Variants in SDE2 observed in about 807,000 individuals in gnomAD.
The protein encoded by SDE2 is splicing regulator SDE2.
A neutral mutation model predicts 46.9 loss-of-function variants in SDE2; 31 were observed. That is an observed-to-expected ratio of 0.66 (90% confidence interval 0.50 to 0.89). SDE2 has a LOEUF of 0.89. Among genes scored for constraint, SDE2 ranks in the 40% least tolerant of loss-of-function variants. SDE2 has a pLI of 0.00. For missense variants in SDE2, 542 were observed against 564.4 expected (o/e 0.96, Z 0.40); for synonymous variants, 205 against 204.3 (o/e 1.00, Z -0.03).
rs1354713444 is a variant in SDE2 at position 225,991,174 on chromosome 1, G to C, written c.641+69C>G. On this transcript the variant is annotated intron_variant, in intron 5 of 6. Transcript: ENST00000272091. Reference sequence around the variant, plus strand: ...ACTACACAAAAATGTGTTTATGCCAGATAAACAAGGAGGAAATGTCTCAAG... The same window carrying C: ...ACTACACAAAAATGTGTTTATGCCACATAAACAAGGAGGAAATGTCTCAAG... 3 of 1,505,412 alleles carry C rather than the reference G, an allele frequency of 2.0e-6. No individual in the cohort carries two copies. The Admixed American group carries it at 5.2e-5, about 26-fold the overall frequency. 93.3% of individuals were successfully genotyped at this position (1,505,412 alleles called of 1,614,324 possible).
chr1:225,991,701 A>C (rs1656404650), intron 4 of SDE2, among the ~76,000 whole-genome samples: 1 of 152,176 alleles, frequency 6.6e-6, no homozygotes, highest in South Asian at 2.1e-4. Context: ...TTTGATGCAA[A>C]AAGATTGTTT....
At chr1:225,986,567 T>C (rs550449183) in intron 6 of SDE2, among the ~76,000 whole-genome samples, 1 of 152,364 alleles carries the variant, frequency 6.6e-6, no homozygotes, top group East Asian at 1.9e-4. Context: ...AATTCTAAAA[T>C]GCCACTTATG....
At chr1:225,990,592 G>A (rs1340998381) in intron 5 of SDE2, among the ~76,000 whole-genome samples, 3 of 151,804 alleles carry the variant, frequency 2.0e-5, no homozygotes, top group African/African-American at 7.3e-5. Context: ...CAAACCACAG[G>A]TAGTGTCACC....
chr1:225,992,059 A>G (rs1187027259), intron 4 of SDE2, among the ~76,000 whole-genome samples: 1 of 152,088 alleles, frequency 6.6e-6, no homozygotes, highest in Non-Finnish European at 1.5e-5. Context: ...TGTGCCTGTA[A>G]TCCCAGCTAC....
chr1:225,995,454 A>T, intron 1 of SDE2, 71 bp from the exon 2 acceptor site: 2 of 794,652 alleles, frequency 2.5e-6, no homozygotes. Flanking sequence ...GAAGGGACCT[A>T]GCTGTCTTTT....
In SDE2 at chr1:225,985,530, G is replaced by T. The variant is rs755958890; in HGVS notation, c.1135-7C>A. 9.6e-6 allele frequency: 15 copies of T among 1,559,058 alleles called. No individual in the cohort carries two copies. The Admixed American group carries it at 2.4e-4, about 25-fold the overall frequency. On this transcript the variant is annotated splice_polypyrimidine_tract_variant and splice_region_variant and intron_variant, in intron 6 of 6. Transcript: ENST00000272091. Reference sequence around the variant, plus strand: ...TAGTTTCCTTATCAATAACCTGAGGGAAAAAAATAAGAAAATATTTAAAAC... The same window carrying T: ...TAGTTTCCTTATCAATAACCTGAGGTAAAAAAATAAGAAAATATTTAAAAC...
chr1:225,985,465 A>C lies in SDE2; in HGVS notation c.1193T>G (p.Leu398Trp). ...ACATTTGAGCTTCTCCAAACCCAGC[A>C]ACTCCAGTTCTGCAACAGAGGTGAA... Reference protein sequence around the residue: ...LAFTSVAELELLGLEKLKCEL... With the variant: ...LAFTSVAELEWLGLEKLKCEL... The change falls in exon 7 of 7, where the codon TTG becomes TGG. Residue 398 changes from leucine (L) to tryptophan (W), a missense_variant. Physicochemically the swap from Leu to Trp is moderately conservative, Grantham distance 61. Coordinates refer to ENST00000272091, the MANE Select transcript of SDE2 (RefSeq NM_152608.4). 6.2e-7 allele frequency: 1 copy of C among 1,614,192 alleles called. No homozygotes were observed. Among genetic ancestry groups the C allele is most frequent in the South Asian group, 1.1e-5 (1 of 91,090 alleles).
In SDE2 at chr1:225,995,616, CTT is replaced by C. The variant is rs1656504562; in HGVS notation, c.121-235_121-234del. Among the ~76,000 whole-genome samples, 2 of 152,166 alleles carry C rather than the reference CTT, an allele frequency of 1.3e-5. 1 individual carries two copies. Among genetic ancestry groups the C allele is most frequent in the Admixed American group, 1.3e-4 (2 of 15,266 alleles). On this transcript the variant is annotated intron_variant, in intron 1 of 6. Transcript: ENST00000272091. ...CATCACATATAGAAGAAACTTCAGTCTTTGCGGTGACAACAAAAACTGCTTCT... is the reference window on the plus strand; with the variant it reads ...CATCACATATAGAAGAAACTTCAGTCTGCGGTGACAACAAAAACTGCTTCT...
chr1:225,987,141 A>C (rs1656286650), intron 6 of SDE2, among the ~76,000 whole-genome samples: 1 of 152,234 alleles, frequency 6.6e-6, no homozygotes, highest in Admixed American at 6.5e-5. Flanking sequence ...CTCCCAGGGC[A>C]CAAGCCATTC....
intron 1 of SDE2, among the ~76,000 whole-genome samples, chr1:225,997,169 A>C (rs1270933353): frequency 6.6e-6 from 1 of 152,188 alleles, no homozygotes; most frequent in Non-Finnish European, 1.5e-5. Context: ...AAACAAAAAC[A>C]AAAAACAAAA....
intron 1 of SDE2, among the ~76,000 whole-genome samples, chr1:225,998,545 T>C (rs922558112): frequency 1.3e-5 from 2 of 152,232 alleles, no homozygotes; most frequent in Non-Finnish European, 2.9e-5. Flanking sequence ...GCTTACTTAC[T>C]TGAAAGTTCA....
At chr1:225,986,127 G>A (rs1017078263) in intron 6 of SDE2, among the ~76,000 whole-genome samples, 5 of 151,940 alleles carry the variant, frequency 3.3e-5, no homozygotes, top group African/African-American at 9.7e-5. Context: ...TTAGGAGTCC[G>A]AAACCAGCTT....
chr1:225,989,307 A>AAT (rs1553256377), intron 5 of SDE2, among the ~76,000 whole-genome samples: 40 of 134,402 alleles, frequency 3.0e-4, no homozygotes, highest in African/African-American at 1.1e-3. Flanking sequence ...AAAAAAAAAA[A>AAT]AATAATAATA....
chr1:225,984,933 C>T lies in SDE2; in HGVS notation c.*369G>A, dbSNP rs1656235657. 4.9e-6 allele frequency: 1 copy of T among 202,438 alleles called. No individual in the cohort carries two copies. Among genetic ancestry groups the T allele is most frequent in the South Asian group, 8.8e-5 (1 of 11,342 alleles). The allele number at this position is 202,438 out of a possible 1,614,324, so 12.5% of individuals were successfully genotyped here. A position where few individuals can be genotyped will look rare whatever the true frequency, so the allele number is the denominator to read the frequency against. ...GAAAAGGAAATTATCAACACAGCTC[C>T]TAAAGACATTAAAAGGGTAAGAAGG... On this transcript the variant is annotated 3_prime_UTR_variant, in exon 7 of 7. Transcript: ENST00000272091.
Position 225,987,997 on chromosome 1 carries a change from T to A in SDE2, c.1033A>T (p.Thr345Ser). The change falls in exon 6 of 7, where the codon ACA becomes TCA. Residue 345 changes from threonine to serine, a missense_variant. Thr to Ser is a moderately conservative substitution (Grantham distance 58). Transcript: ENST00000272091. Reference protein sequence around the residue: ...TGAGLNKDKETEERTDGERVA... With the variant: ...TGAGLNKDKESEERTDGERVA... ...CTTTCCCCATCAGTCCTTTCTTCTGTCTCTTTATCCTTATTCAGTCCAGCC... is the reference window on the plus strand; with the variant it reads ...CTTTCCCCATCAGTCCTTTCTTCTGACTCTTTATCCTTATTCAGTCCAGCC... The A allele has an allele frequency of 1.2e-6, 2 of 1,614,200 alleles. No homozygotes were observed. The highest frequency in any genetic ancestry group is 1.7e-6 in the Non-Finnish European group (2 of 1,180,018).
At position 225,984,865 on chromosome 1, in the gene SDE2, A is replaced by G. The variant is rs1360599430; in HGVS notation, c.*437T>C. On this transcript the variant is annotated 3_prime_UTR_variant, in exon 7 of 7. Transcript: ENST00000272091. The stretch of plus-strand genomic sequence containing the variant: ...AGTAAAACTGATAAACCCCTACCCA[A>G]CCTGATTAGGAAAGTGAGAACAGAA... The G allele has an allele frequency of 6.1e-6, 1 of 162,710 alleles. No individual in the cohort carries two copies. Among genetic ancestry groups the G allele is most frequent in the Non-Finnish European group, 1.3e-5 (1 of 74,706 alleles). 10.1% of individuals were successfully genotyped at this position (162,710 alleles called of 1,614,324 possible). A position where few individuals can be genotyped will look rare whatever the true frequency, so the allele number is the denominator to read the frequency against.
rs1656240807 is a variant in SDE2, at chr1:225,985,171, A to G, written c.*131T>C. On this transcript the variant is annotated 3_prime_UTR_variant, in exon 7 of 7. Transcript: ENST00000272091. ...AATTCTACAGCCCTGACAAGGAAAAAGGGGATAGTTAGAATTGGGTTACTA... is the reference window on the plus strand; with the variant it reads ...AATTCTACAGCCCTGACAAGGAAAAGGGGGATAGTTAGAATTGGGTTACTA... 3.0e-6 allele frequency: 2 copies of G among 665,956 alleles called. No individual in the cohort carries two copies. The highest frequency in any genetic ancestry group is 3.7e-5 in the South Asian group (2 of 53,410). The allele number at this position is 665,956 out of a possible 1,614,324, so 41.3% of individuals were successfully genotyped here.
chr1:225,994,201 C>G (rs1656468381), intron 2 of SDE2, among the ~76,000 whole-genome samples: 1 of 152,106 alleles, frequency 6.6e-6, no homozygotes, highest in Non-Finnish European at 1.5e-5. Flanking sequence ...CTCAGCCTCC[C>G]AAGTAGCTGA....
At position 225,992,876 on chromosome 1, in the gene SDE2, AGGT is replaced by A; in HGVS notation, c.350+12_350+14del. 1.4e-6 allele frequency: 2 copies of A among 1,463,166 alleles called. No individual in the cohort carries two copies. The highest frequency in any genetic ancestry group is 1.9e-6 in the Non-Finnish European group (2 of 1,042,996). 90.6% of individuals were successfully genotyped at this position (1,463,166 alleles called of 1,614,324 possible). A position where few individuals can be genotyped will look rare whatever the true frequency, so the allele number is the denominator to read the frequency against. ...TGTCTCTCCTCAAAAACACAAAAAA[AGGT>A]GGGCATCTTACGCTTTTTCATGATT... is the stretch of plus-strand genomic sequence containing the variant. On this transcript the variant is annotated intron_variant, in intron 3 of 6. Coordinates refer to ENST00000272091, the MANE Select transcript of SDE2 (RefSeq NM_152608.4).
Sources: gnomAD v4.1 joint callset for allele counts (sites outside exome capture counted in the v4.1 genomes callset) on GRCh38, gnomAD v4.1.1 for gene constraint, MANE v1.5 for transcripts, NCBI Gene and HGNC (gene_info 2026-07-23, HGNC 2026-07-21) for gene names.